The following SDK1 variants were observed in gnomAD, a reference collection of about 807,000 sequenced individuals.
SDK1 encodes protein sidekick-1.
Under a neutral mutation model 245.5 loss-of-function variants are expected in SDK1, and 157 were observed. The observed-to-expected ratio is 0.64, with a 90% CI of 0.56 to 0.73. The LOEUF is 0.73. SDK1 is among the 30% of genes least tolerant of loss of function. The pLI is 0.00. For synonymous variants in SDK1, 1,647 were observed against 1,278.5 expected (o/e 1.29, Z -6.15); for missense variants, 3,583 against 3,002.3 (o/e 1.19, Z -4.52).
At chr7:3,509,696 T>C (rs1056538967) in intron 1 of SDK1, among the ~76,000 whole-genome samples, 24 of 152,194 alleles carry the variant, frequency 1.6e-4, no homozygotes, top group African/African-American at 5.5e-4. Flanking sequence ...CTCTGTTTAA[T>C]GTCACAGGGC....
rs1166292333 is a variant in SDK1, at chr7:3,792,350, CTCTT to C, written c.714-29095_714-29092del. ...CCTCCTCCCTCTTTGCTTTCCTCTT[CTCTT>C]TCTTCCATCATTTCTAGTGAACATT... On this transcript the variant is annotated intron_variant, in intron 4 of 44. Transcript: ENST00000404826. Among the ~76,000 whole-genome samples the C allele has an allele frequency of 1.5e-4, 23 of 152,214 alleles. No individual in the cohort carries two copies. In the South Asian group the frequency reaches 3.9e-3, roughly 26 times the overall value.
At chr7:3,656,890 GGCGCCGGCCAC>G (rs1431917869) in intron 4 of SDK1, among the ~76,000 whole-genome samples, 1 of 152,100 alleles carries the variant, frequency 6.6e-6, no homozygotes, top group Non-Finnish European at 1.5e-5. Context: ...TGGGACTACA[GGCGCCGGCCAC>G]CGCGCCCGGC....
At chr7:3,466,769 C>A (rs1050349230) in intron 1 of SDK1, among the ~76,000 whole-genome samples, 1 of 151,718 alleles carries the variant, frequency 6.6e-6, no homozygotes, top group South Asian at 2.1e-4. Context: ...TATCTCCCCC[C>A]ACCCCTTCTC....
At position 4,093,111 on chromosome 7, in the gene SDK1, T is replaced by C. The variant is rs1162303787; in HGVS notation, c.3324+13527T>C. Among the ~76,000 whole-genome samples, 3 of 151,688 alleles carry C rather than the reference T, an allele frequency of 2.0e-5. No individual in the cohort carries two copies. In the East Asian group the frequency reaches 5.8e-4, roughly 29 times the overall value. On this transcript the variant is annotated intron_variant, in intron 22 of 44. Coordinates refer to ENST00000404826, the MANE Select transcript of SDK1 (RefSeq NM_152744.4). The stretch of plus-strand genomic sequence containing the variant: ...AATAAGTTGATGCTCAGATGTGGGT[T>C]GCCAAAAAAAAAAGCAGCAGCTTTT...
intron 1 of SDK1, among the ~76,000 whole-genome samples, chr7:3,345,421 C>T (rs888236901): frequency 2.6e-5 from 4 of 152,060 alleles, no homozygotes; most frequent in Non-Finnish European, 4.4e-5. Context: ...ATGAGAATTT[C>T]CTGAAAAAAA....
intron 1 of SDK1, among the ~76,000 whole-genome samples, chr7:3,557,652 A>C (rs1022462167): frequency 6.6e-6 from 1 of 152,212 alleles, no homozygotes; most frequent in Non-Finnish European, 1.5e-5. Context: ...GCATTGTACT[A>C]AGGCTTTCAA....
chr7:3,568,926 ATCTT>A (rs1330787498), intron 1 of SDK1, among the ~76,000 whole-genome samples: 1 of 152,032 alleles, frequency 6.6e-6, no homozygotes, highest in Non-Finnish European at 1.5e-5. Flanking sequence ...TTGCTTTAGT[ATCTT>A]TATTTACTAT....
chr7:4,193,979 T>G (rs1441550428), intron 35 of SDK1, among the ~76,000 whole-genome samples: 1 of 152,158 alleles, frequency 6.6e-6, no homozygotes, highest in African/African-American at 2.4e-5. Context: ...TGCATAACTC[T>G]CTAAACAATT....
intron 22 of SDK1, among the ~76,000 whole-genome samples, chr7:4,103,297 G>GC (rs1209050680): frequency 2.7e-5 from 4 of 149,012 alleles, no homozygotes; most frequent in African/African-American, 5.0e-5. Context: ...ACCGCGCCCG[G>GC]CCCCCCACAG....
intron 1 of SDK1, among the ~76,000 whole-genome samples, chr7:3,617,235 C>T (rs1190918796): frequency 6.6e-6 from 1 of 152,158 alleles, no homozygotes; most frequent in African/African-American, 2.4e-5. Context: ...TTTATTCATT[C>T]AACAGATATT....
chr7:3,628,124 G>A (rs1426884115), intron 2 of SDK1, among the ~76,000 whole-genome samples: 1 of 151,974 alleles, frequency 6.6e-6, no homozygotes, highest in African/African-American at 2.4e-5. Context: ...TTCATTTTCC[G>A]GATCAAGTTG....
chr7:3,843,091 G>A (rs1415428343), intron 5 of SDK1, among the ~76,000 whole-genome samples: 1 of 152,150 alleles, frequency 6.6e-6, no homozygotes, highest in African/African-American at 2.4e-5. Context: ...AGGAATGTCA[G>A]CGGCTCAGGG....
At chr7:3,437,837 A>G (rs1412432418) in intron 1 of SDK1, among the ~76,000 whole-genome samples, 1 of 152,216 alleles carries the variant, frequency 6.6e-6, no homozygotes, top group Non-Finnish European at 1.5e-5. Context: ...CTTTGGCTGA[A>G]TAGAAGTTCC....
intron 1 of SDK1, among the ~76,000 whole-genome samples, chr7:3,341,250 A>G (rs1356299315): frequency 6.6e-6 from 1 of 152,200 alleles, no homozygotes. Context: ...TCAACAGACC[A>G]AAGAAAAATC....
At chr7:4,230,525 T>C (rs1029503652) in intron 40 of SDK1, among the ~76,000 whole-genome samples, 14 of 142,594 alleles carry the variant, frequency 9.8e-5, no homozygotes, top group African/African-American at 3.7e-4. Flanking sequence ...CATGGATGAA[T>C]GGAAGGAAGG....
intron 20 of SDK1, among the ~76,000 whole-genome samples, chr7:4,074,799 G>T (rs1313714455): frequency 6.9e-6 from 1 of 145,796 alleles, no homozygotes; most frequent in Non-Finnish European, 1.5e-5. Flanking sequence ...GTGGTTCAAG[G>T]TTGCAGTGAG....
At chr7:4,150,892 G>A (rs775696290) in intron 30 of SDK1, among the ~76,000 whole-genome samples, 1 of 152,248 alleles carries the variant, frequency 6.6e-6, no homozygotes, top group African/African-American at 2.4e-5. Context: ...TGGCCGACCG[G>A]GCGTCTCAGT....
At position 3,594,947 on chromosome 7, in the gene SDK1, A is replaced by G. The variant is rs141940463; in HGVS notation, c.299-24133A>G. Among the ~76,000 whole-genome samples, 13 of 152,280 alleles carry G rather than the reference A, an allele frequency of 8.5e-5. No homozygotes were observed. In the East Asian group the frequency reaches 2.5e-3, roughly 29 times the overall value. ...AATGTATAGGGTTTACTGTTTTTCT[A>G]GTAGGTTTATGTGTAGAGCACTCAT... On this transcript the variant is annotated intron_variant, in intron 1 of 44. Transcript: ENST00000404826.
At chr7:3,874,157 C>G (rs958727522) in intron 5 of SDK1, among the ~76,000 whole-genome samples, 3 of 152,158 alleles carry the variant, frequency 2.0e-5, no homozygotes, top group African/African-American at 7.2e-5. Flanking sequence ...AGAGATTTGG[C>G]TAGGTTTAAA....
Sources: gnomAD v4.1 joint callset for allele counts (sites outside exome capture counted in the v4.1 genomes callset) on GRCh38, gnomAD v4.1.1 for gene constraint, MANE v1.5 for transcripts, NCBI Gene and HGNC (gene_info 2026-07-23, HGNC 2026-07-21) for gene names.